Variants in TFDP2 observed in about 807,000 individuals in gnomAD.
The protein encoded by TFDP2 is transcription factor Dp-2, also known as transcription factor Dp-2 (E2F dimerization partner 2).
TFDP2 carries 17 observed loss-of-function variants against 59.3 expected under a neutral mutation model. The observed-to-expected ratio is 0.29, with a 90% CI of 0.20 to 0.43. TFDP2 has a LOEUF of 0.43. TFDP2 is among the 20% of genes least tolerant of loss of function. The pLI, the probability that TFDP2 is intolerant of heterozygous loss-of-function variation, is 1.00. For missense variants in TFDP2, 391 were observed against 528.8 expected, an observed-to-expected ratio of 0.74 and a Z score of 2.56; for synonymous variants, 180 against 194.7, an observed-to-expected ratio of 0.92 and a Z score of 0.63.
At chr3:141,953,366 A>G (rs1430145196) in intron 11 of TFDP2, among the ~76,000 whole-genome samples, 1 of 152,166 alleles carries the variant, frequency 6.6e-6, no homozygotes, top group African/African-American at 2.4e-5. Context: ...TTCTGCCCTC[A>G]GCACAAAAGA....
intron 3 of TFDP2, among the ~76,000 whole-genome samples, chr3:142,061,872 TTC>T (rs145959548): frequency 4.3e-5 from 3 of 70,354 alleles, no homozygotes; most frequent in African/African-American, 1.1e-4. Context: ...ATCAATCAAT[TTC>T]TCTCTCTCTC....
intron 1 of TFDP2, among the ~76,000 whole-genome samples, chr3:142,116,354 A>G (rs73236003): frequency 0.029 from 4,366 of 152,238 alleles, 67 homozygotes; most frequent in Non-Finnish European, 0.043. Context: ...TGTGAGCCAG[A>G]GTCCAGCCAC....
At chr3:141,973,123 A>ATATATATATATATT in intron 8 of TFDP2, among the ~76,000 whole-genome samples, 12 of 58,016 alleles carry the variant, frequency 2.1e-4, no homozygotes, top group South Asian at 1.9e-3. Flanking sequence ...ATATATATAT[A>ATATATATATATATT]TTTTTTTTTT....
intron 3 of TFDP2, among the ~76,000 whole-genome samples, chr3:142,083,327 T>G (rs1340219858): frequency 6.6e-6 from 1 of 152,050 alleles, no homozygotes; most frequent in African/African-American, 2.4e-5. Flanking sequence ...CAATAAAAAC[T>G]ATAAAATACT....
At chr3:142,107,200 G>T (rs565249643) in intron 1 of TFDP2, among the ~76,000 whole-genome samples, 164 of 150,766 alleles carry the variant, frequency 1.1e-3, no homozygotes, top group African/African-American at 3.9e-3. Context: ...TTGAGATGTG[G>T]TATTAATTAG....
At chr3:141,979,942 T>C (rs1386330099) in intron 6 of TFDP2, among the ~76,000 whole-genome samples, 1 of 150,958 alleles carries the variant, frequency 6.6e-6, no homozygotes, top group Non-Finnish European at 1.5e-5. Flanking sequence ...AGGGTCTCAC[T>C]CTGTTGCCCG....
chr3:142,019,056 T>G (rs1359780672), intron 3 of TFDP2, among the ~76,000 whole-genome samples: 3 of 149,764 alleles, frequency 2.0e-5, no homozygotes, highest in Non-Finnish European at 4.4e-5. Context: ...TTCGCACATT[T>G]TTTTTTTTTT....
intron 8 of TFDP2, among the ~76,000 whole-genome samples, chr3:141,973,123 A>ATATATATATTTTTT: frequency 3.4e-5 from 2 of 58,026 alleles, no homozygotes; most frequent in African/African-American, 1.3e-4. Flanking sequence ...ATATATATAT[A>ATATATATATTTTTT]TTTTTTTTTT....
rs2062284996 is a variant in TFDP2 at position 142,126,979 on chromosome 3, T to A, written c.-93+22204A>T. ...AAAAAAAAAAATTACAGTAAAATGA[T>A]GTTAAAAAGATAAAAAAGGATAAAC... On this transcript the variant is annotated intron_variant, in intron 1 of 12. Coordinates refer to ENST00000489671, the MANE Select transcript of TFDP2 (RefSeq NM_001178139.2). 8.1e-5 allele frequency among the ~76,000 whole-genome samples: 12 copies of A among 148,716 alleles called. No homozygotes were observed. In the South Asian group the frequency reaches 2.5e-3, roughly 31 times the overall value.
intron 1 of TFDP2, among the ~76,000 whole-genome samples, chr3:142,147,287 A>C (rs2108763825): frequency 6.6e-6 from 1 of 152,328 alleles, no homozygotes; most frequent in East Asian, 1.9e-4. Context: ...TTCTCTTTAA[A>C]ATCCACTACA....
chr3:142,088,399 T>G (rs2060879264), intron 3 of TFDP2, among the ~76,000 whole-genome samples: 1 of 151,632 alleles, frequency 6.6e-6, no homozygotes, highest in African/African-American at 2.4e-5. Context: ...GGCGTGATCT[T>G]GACGCACTGC....
At chr3:142,029,296 G>A (rs1946308377) in intron 3 of TFDP2, 1 of 151,384 alleles carries the variant, frequency 6.6e-6, no homozygotes, top group Admixed American at 6.6e-5. Context: ...ATGCCAAAAT[G>A]AATGACAGGC....
intron 3 of TFDP2, among the ~76,000 whole-genome samples, chr3:142,043,040 C>G (rs551291672): frequency 1.3e-4 from 19 of 149,936 alleles, no homozygotes; most frequent in Non-Finnish European, 1.3e-4. Context: ...CCGTGCCCGG[C>G]GATGCTTATT....
chr3:142,002,226 C>T (rs1943843279), intron 4 of TFDP2, among the ~76,000 whole-genome samples: 1 of 151,854 alleles, frequency 6.6e-6, no homozygotes, highest in African/African-American at 2.4e-5. Context: ...AACTCCTGAC[C>T]TCAAGTGATC....
chr3:142,133,728 C>T (rs568146266), intron 1 of TFDP2, among the ~76,000 whole-genome samples: 1 of 151,934 alleles, frequency 6.6e-6, no homozygotes, highest in East Asian at 1.9e-4. Context: ...AAACTCCTAA[C>T]CTCAAGTGAT....
intron 3 of TFDP2, among the ~76,000 whole-genome samples, chr3:142,069,428 C>T (rs1274313798): frequency 6.6e-6 from 1 of 151,954 alleles, no homozygotes; most frequent in Non-Finnish European, 1.5e-5. Context: ...GTGAGCTTAG[C>T]AATAAAATAA....
rs199676854 is a variant in TFDP2 at position 142,105,969 on chromosome 3, GA to G, written c.-92-4129del. On this transcript the variant is annotated intron_variant, in intron 1 of 12. Transcript: ENST00000489671. ...GTTAAGCATTCAATGTTAGAGGGGG[GA>G]AAAAAATCTGTTCATTGATTTCTCA... Among the ~76,000 whole-genome samples the G allele has an allele frequency of 4.5e-3, 591 of 130,886 alleles. 6 individuals carry two copies. Among genetic ancestry groups the G allele is most frequent in the African/African-American group, 0.016 (564 of 35,164 alleles). The allele number at this position is 130,886 out of a possible 152,430, so 85.9% of individuals were successfully genotyped here. A position where few individuals can be genotyped will look rare whatever the true frequency, so the allele number is the denominator to read the frequency against.
intron 9 of TFDP2, among the ~76,000 whole-genome samples, chr3:141,965,787 A>G (rs1937950292): frequency 6.6e-6 from 1 of 152,018 alleles, no homozygotes; most frequent in Non-Finnish European, 1.5e-5. Flanking sequence ...AGCACTATCA[A>G]TATCATTACC....
intron 1 of TFDP2, among the ~76,000 whole-genome samples, chr3:142,116,885 G>T: frequency 6.6e-6 from 1 of 152,118 alleles, no homozygotes; most frequent in African/African-American, 2.4e-5. Context: ...AAGTTCAGTT[G>T]ACTCTTGGAT....
Sources: allele counts gnomAD v4.1 joint callset (sites outside exome capture counted in the v4.1 genomes callset), GRCh38; gene constraint gnomAD v4.1.1; transcripts MANE v1.5; gene names NCBI Gene and HGNC (gene_info 2026-07-23, HGNC 2026-07-21).